Variants in CELSR1 observed in about 807,000 individuals in gnomAD.
CELSR1 encodes the protein cadherin EGF LAG seven-pass G-type receptor 1, also known as adhesion G protein-coupled receptor C1.
Under a neutral mutation model 249.1 loss-of-function variants are expected in CELSR1, and 110 were observed. The observed-to-expected ratio is 0.44, with a 90% CI of 0.38 to 0.52. CELSR1 has a LOEUF of 0.52. Among genes scored for constraint, CELSR1 ranks in the 20% least tolerant of loss-of-function variants. CELSR1 has a pLI of 0.00. For synonymous variants in CELSR1, 2,113 were observed against 1,900.0 expected (o/e 1.11, Z -2.92); for missense variants, 4,109 against 4,296.4 (o/e 0.96, Z 1.22).
At position 46,364,573 on chromosome 22, in the gene CELSR1, C is replaced by CG; in HGVS notation, c.8717dup (p.Asp2907GlyfsTer12). On this transcript the variant is annotated frameshift_variant, in exon 33 of 35. Coordinates refer to ENST00000674500, the MANE Select transcript of CELSR1 (RefSeq NM_001378328.1). LOFTEE classifies it high-confidence loss of function. Reference sequence around the variant, plus strand: ...TGGCTGCGCCCCCGCTCTCCTGGTCCGGGGGGTACTCTCCACGGTGACTGC... The same window carrying CG: ...TGGCTGCGCCCCCGCTCTCCTGGTCCGGGGGGGTACTCTCCACGGTGACTGC... The CG allele has an allele frequency of 1.2e-6, 2 of 1,612,534 alleles. No homozygotes were observed. Among genetic ancestry groups the CG allele is most frequent in the Non-Finnish European group, 1.7e-6 (2 of 1,179,890 alleles).
chr22:46,449,663 T>C (rs2079860150), intron 2 of CELSR1, among the ~76,000 whole-genome samples: 2 of 151,890 alleles, frequency 1.3e-5, no homozygotes, highest in South Asian at 4.2e-4. Context: ...GGTAAAAAAA[T>C]GTCAGATGTT....
chr22:46,400,725 G>C (rs1480551580), intron 9 of CELSR1, among the ~76,000 whole-genome samples: 1 of 152,188 alleles, frequency 6.6e-6, no homozygotes, highest in Non-Finnish European at 1.5e-5. Context: ...GCCAAGGCGG[G>C]TGGATTGCTT....
rs1212559227 is a variant in CELSR1, at chr22:46,500,047, C to T, written c.3544+33580G>A. ...GACCTCTCCCGCTTATCTTCCCAAA[C>T]GGGTTGTTTTCTGTGAGTCCGGACT... On this transcript the variant is annotated intron_variant, in intron 1 of 34. Coordinates refer to ENST00000674500, the MANE Select transcript of CELSR1 (RefSeq NM_001378328.1). This position sits in a 1 kb window ranked among gnomAD's most constrained non-coding sequence, Gnocchi z 4.9. Among the ~76,000 whole-genome samples the T allele has an allele frequency of 1.3e-5, 2 of 152,084 alleles. No homozygotes were observed. Among genetic ancestry groups the T allele is most frequent in the Non-Finnish European group, 2.9e-5 (2 of 68,022 alleles).
At chr22:46,510,552 C>A (rs1377365212) in intron 1 of CELSR1, among the ~76,000 whole-genome samples, 1 of 152,202 alleles carries the variant, frequency 6.6e-6, no homozygotes, top group Non-Finnish European at 1.5e-5. Context: ...AGAGGCGCTG[C>A]GGTAAACGCT....
At chr22:46,414,739 T>G (rs996503487) in intron 5 of CELSR1, among the ~76,000 whole-genome samples, 3 of 152,078 alleles carry the variant, frequency 2.0e-5, no homozygotes, top group African/African-American at 7.2e-5. Flanking sequence ...CCCCAAAGCA[T>G]TAAACGCAGA....
chr22:46,385,247 C>G (rs2079019990), intron 19 of CELSR1, among the ~76,000 whole-genome samples: 1 of 152,194 alleles, frequency 6.6e-6, no homozygotes, highest in African/African-American at 2.4e-5. Context: ...AGCATGCTAC[C>G]ACACCTGGCT....
chr22:46,467,220 A>G (rs1370678077), intron 1 of CELSR1, among the ~76,000 whole-genome samples: 1 of 152,228 alleles, frequency 6.6e-6, no homozygotes, highest in Non-Finnish European at 1.5e-5. Context: ...TTAATTTGCT[A>G]CATCCCGTTT....
intron 1 of CELSR1, among the ~76,000 whole-genome samples, chr22:46,487,272 T>C (rs1471379784): frequency 2.0e-5 from 3 of 152,060 alleles, no homozygotes; most frequent in African/African-American, 7.2e-5. Context: ...TCGAGCTAAT[T>C]GCAGACGATG....
At chr22:46,415,110 C>G (rs1045888173) in intron 5 of CELSR1, among the ~76,000 whole-genome samples, 1 of 152,186 alleles carries the variant, frequency 6.6e-6, no homozygotes, top group Non-Finnish European at 1.5e-5. Context: ...GCCAGGAGCT[C>G]AGGGAGGAGG....
At chr22:46,369,388 G>T in intron 26 of CELSR1, 130 bp from the exon 27 acceptor site, 2 of 759,832 alleles carry the variant, frequency 2.6e-6, no homozygotes, top group Non-Finnish European at 4.3e-6. Context: ...ACCCTGGCCT[G>T]TGGGGCGAAG....
At chr22:46,507,015 G>A (rs1213413728) in intron 1 of CELSR1, among the ~76,000 whole-genome samples, 2 of 152,104 alleles carry the variant, frequency 1.3e-5, no homozygotes, top group Non-Finnish European at 2.9e-5. Context: ...GTGAAACCCC[G>A]ACTCTACTAA....
At chr22:46,379,730 T>C (rs1238404091) in intron 22 of CELSR1, among the ~76,000 whole-genome samples, 1 of 152,222 alleles carries the variant, frequency 6.6e-6, no homozygotes, top group Non-Finnish European at 1.5e-5. Flanking sequence ...GGCTCCTCAC[T>C]GTGCCCAGGG....
chr22:46,473,560 G>A lies in CELSR1; in HGVS notation c.3545-9215C>T, dbSNP rs35973286. Among the ~76,000 whole-genome samples the A allele has an allele frequency of 0.27, 40,366 of 152,008 alleles. 5,525 individuals carry two copies. Among genetic ancestry groups the A allele is most frequent in the Admixed American group, 0.36 (5,556 of 15,270 alleles). On this transcript the variant is annotated intron_variant, in intron 1 of 34. Coordinates refer to ENST00000674500, the MANE Select transcript of CELSR1 (RefSeq NM_001378328.1). The surrounding 1 kb of genome is among the most constrained non-coding windows in gnomAD (Gnocchi z 6.6). ...GCCTGGGGGGCTCCTCCACTCTCCC[G>A]TCACCAACGCCCCTCGAGGCCTGGT...
Position 46,463,229 on chromosome 22 carries a change from T to C in CELSR1, c.4183+478A>G, listed in dbSNP as rs533155169. Among the ~76,000 whole-genome samples the C allele has an allele frequency of 2.0e-5, 3 of 152,312 alleles. No individual in the cohort carries two copies. The South Asian group carries it at 6.2e-4, about 32-fold the overall frequency. ...CCCCGAGCTGGCTAAGAAAGTGCCA[T>C]TGCTGGCCGGACACGGTGGCTCACG... On this transcript the variant is annotated intron_variant, in intron 2 of 34. Transcript: ENST00000674500.
At chr22:46,376,041 C>T (rs1045826287) in intron 24 of CELSR1, among the ~76,000 whole-genome samples, 3 of 152,204 alleles carry the variant, frequency 2.0e-5, no homozygotes, top group Admixed American at 6.5e-5. Flanking sequence ...GGGGATGCCT[C>T]CAGTATCTTC....
At chr22:46,483,741 G>A (rs1211379788) in intron 1 of CELSR1, among the ~76,000 whole-genome samples, 1 of 152,144 alleles carries the variant, frequency 6.6e-6, no homozygotes, top group Non-Finnish European at 1.5e-5. Flanking sequence ...CAGGAACTGT[G>A]CCCAGGACAC....
In CELSR1 at chr22:46,412,326, C is replaced by G. The variant is rs1006961591; in HGVS notation, c.4612-567G>C. ...CCGTGGTACTTTGTGATGGTGGCCCCAGGAAATGAAGTTGCAGCCAACACC... is the reference window on the plus strand; with the variant it reads ...CCGTGGTACTTTGTGATGGTGGCCCGAGGAAATGAAGTTGCAGCCAACACC... On this transcript the variant is annotated intron_variant, in intron 5 of 34. Coordinates refer to ENST00000674500, the MANE Select transcript of CELSR1 (RefSeq NM_001378328.1). This position sits in a 1 kb window ranked among gnomAD's most constrained non-coding sequence, Gnocchi z 4.5. Among the ~76,000 whole-genome samples, 1 of 152,114 alleles carries G rather than the reference C, an allele frequency of 6.6e-6. No individual in the cohort carries two copies. Among genetic ancestry groups the G allele is most frequent in the East Asian group, 1.9e-4 (1 of 5,186 alleles).
chr22:46,487,003 C>T (rs543024838), intron 1 of CELSR1, among the ~76,000 whole-genome samples: 1 of 151,238 alleles, frequency 6.6e-6, no homozygotes, highest in South Asian at 2.1e-4. Flanking sequence ...TACTGTGTGT[C>T]TGCTCCCGCC....
At chr22:46,466,895 A>T (rs570756850) in intron 1 of CELSR1, among the ~76,000 whole-genome samples, 2 of 152,300 alleles carry the variant, frequency 1.3e-5, no homozygotes, top group South Asian at 4.1e-4. Context: ...GCATCCTCAC[A>T]GGAAGAGACA....
Sources: gnomAD v4.1 joint callset for allele counts (sites outside exome capture counted in the v4.1 genomes callset) on GRCh38, gnomAD v4.1.1 for gene constraint, Gnocchi (gnomAD v3.1) non-coding constraint, MANE v1.5 for transcripts, NCBI Gene and HGNC (gene_info 2026-07-23, HGNC 2026-07-21) for gene names.